The following HEPH variants were observed in gnomAD, a reference collection of about 807,000 sequenced individuals.
The protein encoded by HEPH is hephaestin.
HEPH carries 69 observed loss-of-function variants against 80.8 expected under a neutral mutation model. That is an observed-to-expected ratio of 0.85 (90% CI 0.70 to 1.04). The LOEUF is 1.04. Among genes scored for constraint, HEPH ranks in the 50% least tolerant of loss-of-function variants. HEPH has a pLI of 0.00. For synonymous variants in HEPH, 431 were observed against 322.8 expected, an observed-to-expected ratio of 1.34 and a Z score of -3.60; for missense variants, 1,115 against 891.3, an observed-to-expected ratio of 1.25 and a Z score of -3.20.
chrX:66,256,048 T>C (rs1306721151), intron 16 of HEPH, 57 bp from the exon 17 acceptor site: 16 of 968,310 alleles, frequency 1.7e-5, no homozygotes, highest in Admixed American at 2.5e-5. Flanking sequence ...TGCGGAGTAC[T>C]GCTACCCAGA....
At chrX:66,220,485 A>G (rs889469453) in intron 15 of HEPH, among the ~76,000 whole-genome samples, 2 of 111,484 alleles carry the variant, frequency 1.8e-5, no homozygotes, top group African/African-American at 6.5e-5. Flanking sequence ...GACCACTGGT[A>G]CAGGAAGGGC....
chrX:66,194,979 A>C (rs1273839197), intron 8 of HEPH, 119 bp from the exon 9 acceptor site: 1 of 541,027 alleles, frequency 1.8e-6, no homozygotes. Flanking sequence ...TACAAAGAAA[A>C]GTTTTTTATT....
At chrX:66,247,320 T>C (rs1288013172) in intron 15 of HEPH, among the ~76,000 whole-genome samples, 1 of 107,711 alleles carries the variant, frequency 9.3e-6, no homozygotes, top group Admixed American at 1.0e-4. Context: ...CTTGATGTTG[T>C]CCTACAGGTC....
chrX:66,204,914 T>C (rs2088680303), intron 13 of HEPH, among the ~76,000 whole-genome samples: 1 of 112,022 alleles, frequency 8.9e-6, no homozygotes, highest in African/African-American at 3.2e-5. Flanking sequence ...GAATGGTTTT[T>C]TTAATAATTT....
intron 15 of HEPH, among the ~76,000 whole-genome samples, chrX:66,229,762 T>A (rs893042130): frequency 1.8e-5 from 2 of 111,111 alleles, no homozygotes; most frequent in African/African-American, 3.3e-5. Flanking sequence ...CCAAAGAAAA[T>A]TTACTCTTTT....
At chrX:66,254,577 AAG>A (rs2091110483) in intron 15 of HEPH, among the ~76,000 whole-genome samples, 1 of 110,623 alleles carries the variant, frequency 9.0e-6, no homozygotes, top group Admixed American at 9.7e-5. Context: ...CTAAGTATTT[AAG>A]AGTCATCGAT....
chrX:66,230,957 G>T (rs2090107534), intron 15 of HEPH, among the ~76,000 whole-genome samples: 1 of 106,380 alleles, frequency 9.4e-6, no homozygotes, highest in Non-Finnish European at 1.9e-5. Flanking sequence ...TTTTGTATAA[G>T]GTGTAAGGAA....
In HEPH at chrX:66,198,801, T is replaced by A. The variant is rs148973508; in HGVS notation, c.1714-77T>A. 5 of 766,327 alleles carry A rather than the reference T, an allele frequency of 6.5e-6. No individual in the cohort carries two copies. In the African/African-American group the frequency reaches 8.3e-5, roughly 13 times the overall value. 63.2% of individuals were successfully genotyped at this position (766,327 alleles called of 1,213,427 possible). A position where few individuals can be genotyped will look rare whatever the true frequency, so the allele number is the denominator to read the frequency against. On this transcript the variant is annotated intron_variant, in intron 10 of 20. Coordinates refer to ENST00000343002, the MANE Select transcript of HEPH (RefSeq NM_001367233.3). ...AAATGGGAAAGAATCTGGCATCCCT[T>A]GATCTGTAACGACACAGTCTACAAC...
At chrX:66,248,431 A>G (rs2090891203) in intron 15 of HEPH, among the ~76,000 whole-genome samples, 1 of 111,763 alleles carries the variant, frequency 8.9e-6, no homozygotes, top group African/African-American at 3.2e-5. Flanking sequence ...CAACTGTCAC[A>G]GTTTTGCAAT....
Position 66,170,603 on chromosome X carries a change from G to A in HEPH, c.33G>A (p.Leu11=). 8.3e-7 allele frequency: 1 copy of A among 1,210,678 alleles called. No homozygotes were observed. The highest frequency in any genetic ancestry group is 1.1e-6 in the Non-Finnish European group (1 of 894,945). The change falls in exon 2 of 21, where the codon CTG becomes CTA. Residue 11 remains leucine, a synonymous_variant. Transcript: ENST00000343002. MESGHLLWAL[L]FMQSLWPQLT... is the part of the protein sequence containing the mutation. ...CAGGCCACCTCCTCTGGGCTCTGCT[G>A]TTCATGCAGTCCTTGTGGCCTCAAC...
At chrX:66,247,616 G>A (rs1209778599) in intron 15 of HEPH, among the ~76,000 whole-genome samples, 1 of 110,958 alleles carries the variant, frequency 9.0e-6, no homozygotes, top group Non-Finnish European at 1.9e-5. Flanking sequence ...GCATACTTAA[G>A]CAGCTGTTAT....
intron 4 of HEPH, among the ~76,000 whole-genome samples, chrX:66,180,770 A>C (rs1434146670): frequency 3.3e-5 from 3 of 89,900 alleles, no homozygotes; most frequent in Non-Finnish European, 4.3e-5. Flanking sequence ...ATATGTATAC[A>C]TGTGCCATGC....
At chrX:66,249,157 A>T (rs894806029) in intron 15 of HEPH, among the ~76,000 whole-genome samples, 2 of 111,373 alleles carry the variant, frequency 1.8e-5, no homozygotes, top group African/African-American at 6.5e-5. Flanking sequence ...GGCTTGGTAG[A>T]CATGGATAAG....
chrX:66,169,344 T>G (rs1277060727), intron 1 of HEPH, among the ~76,000 whole-genome samples: 1 of 112,190 alleles, frequency 8.9e-6, no homozygotes, highest in Non-Finnish European at 1.9e-5. Flanking sequence ...TGGAAGTGTG[T>G]GCATCTCTGC....
In HEPH at chrX:66,231,261, C is replaced by G. The variant is rs1278934628; in HGVS notation, c.2563+23015C>G. Among the ~76,000 whole-genome samples the G allele has an allele frequency of 5.0e-3, 549 of 108,954 alleles. 4 individuals are homozygous for G. Among genetic ancestry groups the G allele is most frequent in the African/African-American group, 0.018 (527 of 29,665 alleles). The allele number at this position is 108,954 out of a possible 115,157, so 94.6% of individuals were successfully genotyped here. A position where few individuals can be genotyped will look rare whatever the true frequency, so the allele number is the denominator to read the frequency against. ...CTTAGGATTGACTTGGTGATGCGGG[C>G]TCTTTTTTGGTTCCATATGAACTTT... On this transcript the variant is annotated intron_variant, in intron 15 of 20. Coordinates refer to ENST00000343002, the MANE Select transcript of HEPH (RefSeq NM_001367233.3).
At chrX:66,260,621 T>C (rs1324250455) in intron 19 of HEPH, among the ~76,000 whole-genome samples, 1 of 112,418 alleles carries the variant, frequency 8.9e-6, no homozygotes, top group Non-Finnish European at 1.9e-5. Flanking sequence ...TATATACAAA[T>C]GTATTACTTG....
At chrX:66,255,508 A>G (rs1387213604) in intron 16 of HEPH, among the ~76,000 whole-genome samples, 1 of 111,869 alleles carries the variant, frequency 8.9e-6, no homozygotes, top group Non-Finnish European at 1.9e-5. Context: ...GAGTGACCTT[A>G]AATAAGTCAT....
chrX:66,163,715 C>T (rs139698337), upstream of HEPH, among the ~76,000 whole-genome samples: 62 of 111,625 alleles, frequency 5.6e-4, no homozygotes, highest in Non-Finnish European at 1.1e-3. Context: ...TTCTCTTTTA[C>T]TTCCTAAGTG....
chrX:66,203,411 A>T lies in HEPH; in HGVS notation c.2125A>T (p.Met709Leu). Residue 709 changes from methionine (M) to leucine (L), a missense_variant, in exon 13 of 21, where the codon ATG (methionine) becomes TTG (leucine). By Grantham distance (15) the Met-to-Leu change is conservative. Around this residue, in one of 3 missense-constraint regions of HEPH, gnomAD observed 716 missense variants for 523.5 expected, o/e 1.37. Transcript: ENST00000343002. ...GGCAGGCAGCCATCGAGAAGCAGGG[A>T]TGAGGGCAATCTATAATGTCTCCCA... Reference protein sequence around the residue: ...CQAGSHREAGMRAIYNVSQCP... With the variant: ...CQAGSHREAGLRAIYNVSQCP... The T allele has an allele frequency of 8.3e-7, 1 of 1,210,380 alleles. No homozygotes were observed. The highest frequency in any genetic ancestry group is 1.1e-6 in the Non-Finnish European group (1 of 895,110).
Sources: allele counts gnomAD v4.1 joint callset (sites outside exome capture counted in the v4.1 genomes callset), GRCh38; gene constraint gnomAD v4.1.1; regional missense constraint gnomAD v4.1.1; transcripts MANE v1.5; gene names NCBI Gene and HGNC (gene_info 2026-07-23, HGNC 2026-07-21).